Variants in RPRD2 observed in about 807,000 individuals in gnomAD.
RPRD2 encodes the protein regulation of nuclear pre-mRNA domain containing 2.
RPRD2 carries 12 observed loss-of-function variants against 104.4 expected under a neutral mutation model. The ratio of observed to expected loss-of-function variants is 0.11; its 90% CI spans 0.07 to 0.19. RPRD2 has a LOEUF of 0.19. Among genes scored for constraint, RPRD2 ranks in the 10% least tolerant of loss-of-function variants. The pLI is 1.00. For missense variants in RPRD2, 1,543 were observed against 1,790.1 expected, an observed-to-expected ratio of 0.86 and a Z score of 2.49; for synonymous variants, 714 against 684.9, an observed-to-expected ratio of 1.04 and a Z score of -0.66.
intron 1 of RPRD2, among the ~76,000 whole-genome samples, chr1:150,388,366 A>G (rs1273339169): frequency 1.2e-5 from 1 of 81,038 alleles, no homozygotes; most frequent in Non-Finnish European, 2.9e-5. Flanking sequence ...ACATATATAC[A>G]TGTATACACA....
At chr1:150,451,509 C>T (rs12123805) in intron 7 of RPRD2, among the ~76,000 whole-genome samples, 33,492 of 151,088 alleles carry the variant, frequency 0.22, 4,173 homozygotes, top group African/African-American at 0.32. Context: ...CCCGTCTCCA[C>T]TAAAAAATAC....
Position 150,473,419 on chromosome 1 carries a change from TTC to T in RPRD2, c.*89_*90del. ...TTTATTGTTGTTGTTTTTATTTGTT[TTC>T]TCTTTCTCGATTTTTTTTTTATTAT... On this transcript the variant is annotated 3_prime_UTR_variant, in exon 11 of 11. Coordinates refer to ENST00000369068, the MANE Select transcript of RPRD2 (RefSeq NM_015203.5). 1.5e-5 allele frequency: 21 copies of T among 1,363,516 alleles called. No homozygotes were observed. The highest frequency in any genetic ancestry group is 2.1e-5 in the Non-Finnish European group (21 of 1,012,496). The allele number at this position is 1,363,516 out of a possible 1,614,324, so 84.5% of individuals were successfully genotyped here.
chr1:150,432,702 G>A (rs1021588217), intron 2 of RPRD2, among the ~76,000 whole-genome samples: 2 of 151,872 alleles, frequency 1.3e-5, no homozygotes, highest in African/African-American at 4.8e-5. Context: ...TTGGAGCTGC[G>A]CATGGTGGCT....
chr1:150,465,019 C>A (rs1553899622), intron 10 of RPRD2, among the ~76,000 whole-genome samples: 1 of 152,234 alleles, frequency 6.6e-6, no homozygotes, highest in African/African-American at 2.4e-5. Context: ...CAGGCCCACA[C>A]CACCATGTCT....
intron 1 of RPRD2, among the ~76,000 whole-genome samples, chr1:150,393,454 CAAAAAAAAAAA>C (rs1203478537): frequency 1.7e-5 from 1 of 59,536 alleles, no homozygotes; most frequent in Non-Finnish European, 3.4e-5. Flanking sequence ...GACCCTGTCT[CAAAAAAAAAAA>C]AAAAAAAAAA....
intron 1 of RPRD2, among the ~76,000 whole-genome samples, chr1:150,387,566 CCTTTTTTTTTTTTTTTTTTTTTTTT>C (rs1450300751): frequency 1.0e-4 from 7 of 70,116 alleles, no homozygotes; most frequent in East Asian, 5.7e-4. Context: ...TTGCAACAGA[CCTTTTTTTTTTTTTTTTTTTTTTTT>C]TTTTTTTTTT....
intron 1 of RPRD2, among the ~76,000 whole-genome samples, chr1:150,388,425 T>C (rs1661790769): frequency 6.6e-6 from 1 of 150,776 alleles, no homozygotes; most frequent in Non-Finnish European, 1.5e-5. Context: ...TGTATATATA[T>C]ACATATATAC....
chr1:150,377,843 A>T (rs917248561), intron 1 of RPRD2, among the ~76,000 whole-genome samples: 1 of 152,108 alleles, frequency 6.6e-6, no homozygotes, highest in Non-Finnish European at 1.5e-5. Flanking sequence ...ATGAATTTAT[A>T]AAATATAGAT....
At chr1:150,441,512 A>T (rs782679978) in intron 3 of RPRD2, 11 of 207,448 alleles carry the variant, frequency 5.3e-5, no homozygotes, top group Non-Finnish European at 9.7e-5. Context: ...CATGTAATTA[A>T]GTTATTGAAC....
Position 150,436,857 on chromosome 1 carries a change from A to ATC in RPRD2, c.336-4065_336-4064dup, listed in dbSNP as rs200095980. On this transcript the variant is annotated intron_variant, in intron 2 of 10. Coordinates refer to ENST00000369068, the MANE Select transcript of RPRD2 (RefSeq NM_015203.5). ...GAGGCAGAGGTCGCAGTGAGCTGAG[A>ATC]TCGCGCCATTGCACTCCAGCCTGGG... 9.0e-3 allele frequency among the ~76,000 whole-genome samples: 1,347 copies of ATC among 150,292 alleles called. 25 individuals carry two copies. The highest frequency in any genetic ancestry group is 0.031 in the African/African-American group (1,272 of 40,718).
rs76491490 is a variant in RPRD2, at chr1:150,404,624, A to T, written c.206-12972A>T. On this transcript the variant is annotated intron_variant, in intron 1 of 10. Transcript: ENST00000369068. ...TCAGATCTCATCCAAATAAAAAAAA[A>T]TTTTTTTTGAAATGGGGTCTCCCTA... is the stretch of plus-strand genomic sequence containing the variant. 3.5e-3 allele frequency among the ~76,000 whole-genome samples: 525 copies of T among 151,582 alleles called. 4 individuals are homozygous for T. The highest frequency in any genetic ancestry group is 0.015 in the East Asian group (76 of 5,154).
At chr1:150,397,072 C>G (rs1662586711) in intron 1 of RPRD2, among the ~76,000 whole-genome samples, 2 of 152,240 alleles carry the variant, frequency 1.3e-5, no homozygotes, top group Admixed American at 1.3e-4. Flanking sequence ...CTCCCAGATT[C>G]AAGCAATTCT....
chr1:150,460,991 C>T (rs1667898930), intron 9 of RPRD2, among the ~76,000 whole-genome samples: 1 of 152,110 alleles, frequency 6.6e-6, no homozygotes, highest in Non-Finnish European at 1.5e-5. Context: ...TCCCAAAGTG[C>T]TGGGATTACA....
chr1:150,374,806 T>C (rs1200581436), intron 1 of RPRD2, among the ~76,000 whole-genome samples: 1 of 152,220 alleles, frequency 6.6e-6, no homozygotes, highest in Admixed American at 6.5e-5. Flanking sequence ...CTACTTAGTC[T>C]AGTGTGTTAT....
chr1:150,467,562 C>T (rs1388243828), intron 10 of RPRD2, among the ~76,000 whole-genome samples: 2 of 151,850 alleles, frequency 1.3e-5, no homozygotes, highest in African/African-American at 2.4e-5. Flanking sequence ...TTAGTAGACA[C>T]GGGGTTTCGC....
intron 3 of RPRD2, 107 bp from the exon 4 acceptor site, chr1:150,441,774 C>T (rs1553894512): frequency 3.3e-6 from 2 of 609,336 alleles, no homozygotes; most frequent in South Asian, 4.7e-5. Context: ...AAAGAAACAA[C>T]ACACAGTCTC....
At chr1:150,467,593 C>G (rs587649863) in intron 10 of RPRD2, among the ~76,000 whole-genome samples, 2 of 151,884 alleles carry the variant, frequency 1.3e-5, no homozygotes, top group Admixed American at 6.6e-5. Context: ...AGGCTGGTCT[C>G]GAACTCCTGA....
intron 1 of RPRD2, among the ~76,000 whole-genome samples, chr1:150,388,493 C>A (rs4360562): frequency 0.29 from 42,619 of 144,914 alleles, 7,571 homozygotes; most frequent in African/African-American, 0.5. Context: ...ATATATATAC[C>A]CGCGCACACA....
intron 10 of RPRD2, 62 bp downstream of exon 10, chr1:150,464,789 C>A: frequency 2.3e-6 from 3 of 1,283,734 alleles, no homozygotes; most frequent in Non-Finnish European, 3.3e-6. Flanking sequence ...TAAATTAATC[C>A]TGGATTCCAT....
Sources: gnomAD v4.1 joint callset for allele counts (sites outside exome capture counted in the v4.1 genomes callset) on GRCh38, gnomAD v4.1.1 for gene constraint, MANE v1.5 for transcripts, NCBI Gene and HGNC (gene_info 2026-07-23, HGNC 2026-07-21) for gene names.